The following MCM9 variants were observed in gnomAD, a reference collection of about 807,000 sequenced individuals.
MCM9 encodes minichromosome maintenance 9 homologous recombination repair factor.
A neutral mutation model predicts 72.8 loss-of-function variants in MCM9; 55 were observed. The ratio of observed to expected loss-of-function variants is 0.76; its 90% CI spans 0.61 to 0.95. The LOEUF is 0.95. Ranked by LOEUF, MCM9 falls within the 40% of genes least tolerant of loss-of-function variation. The probability of loss-of-function intolerance (pLI) is 0.00; values close to 1 mark genes in which losing one functional copy is unlikely to be tolerated. For missense variants in MCM9, 1,279 were observed against 1,377.0 expected, an observed-to-expected ratio of 0.93 and a Z score of 1.13; for synonymous variants, 480 against 503.4, an observed-to-expected ratio of 0.95 and a Z score of 0.62.
chr6:118,910,422 A>C (rs1780461846), intron 8 of MCM9, among the ~76,000 whole-genome samples: 1 of 152,176 alleles, frequency 6.6e-6, no homozygotes, highest in Non-Finnish European at 1.5e-5. Flanking sequence ...TGATCTTTGC[A>C]TTAAAAAGGA....
chr6:118,860,840 T>C (rs1379959054), intron 8 of MCM9, among the ~76,000 whole-genome samples: 1 of 152,188 alleles, frequency 6.6e-6, no homozygotes, highest in Non-Finnish European at 1.5e-5. Context: ...AAGTGCATTA[T>C]ATTTGTTGTG....
intron 9 of MCM9, among the ~76,000 whole-genome samples, chr6:118,843,662 A>ATATATATGTG: frequency 1.7e-5 from 1 of 59,696 alleles, no homozygotes; most frequent in African/African-American, 6.8e-5. Flanking sequence ...ATATGTGTAT[A>ATATATATGTG]TATATATGTA....
At chr6:118,887,283 G>A (rs1583545572) in intron 8 of MCM9, among the ~76,000 whole-genome samples, 1 of 152,218 alleles carries the variant, frequency 6.6e-6, no homozygotes, top group East Asian at 1.9e-4. Context: ...AGTAGTATAA[G>A]GACACAGATC....
chr6:118,853,117 G>C (rs1475623657), intron 9 of MCM9, among the ~76,000 whole-genome samples: 1 of 152,072 alleles, frequency 6.6e-6, no homozygotes, highest in Non-Finnish European at 1.5e-5. Flanking sequence ...AACCATTTGG[G>C]TATAGGTCTT....
intron 8 of MCM9, chr6:118,908,480 T>C (rs1039706369): frequency 3.3e-5 from 5 of 152,286 alleles, no homozygotes; most frequent in South Asian, 2.1e-4. Context: ...ATTGGCAGTA[T>C]TTATATAAAA....
In MCM9 at chr6:118,922,050, T is replaced by C; in HGVS notation, c.658A>G (p.Met220Val). ...RLSVGSIPRS[M>V]KVILEDDLVD... Reference sequence around the variant, plus strand: ...AAGTCATCTTCCAGAATAACCTTCATAGATCGTGGAATACTTCCAACAGAT... The same window carrying C: ...AAGTCATCTTCCAGAATAACCTTCACAGATCGTGGAATACTTCCAACAGAT... Residue 220 changes from methionine to valine, a missense_variant, in exon 5 of 14, where the codon ATG becomes GTG. Met to Val is a conservative substitution (Grantham distance 21). Coordinates refer to ENST00000619706, the MANE Select transcript of MCM9 (RefSeq NM_017696.3). 2.5e-6 allele frequency: 4 copies of C among 1,613,116 alleles called. No individual in the cohort carries two copies. Among genetic ancestry groups the C allele is most frequent in the South Asian group, 1.1e-5 (1 of 90,782 alleles).
chr6:118,916,939 T>C (rs1409325909), intron 6 of MCM9, among the ~76,000 whole-genome samples: 1 of 152,244 alleles, frequency 6.6e-6, no homozygotes, highest in African/African-American at 2.4e-5. Flanking sequence ...TCTCAAAAGA[T>C]GTCTCCATGG....
intron 13 of MCM9, among the ~76,000 whole-genome samples, chr6:118,818,919 GCTCT>G (rs1163787902): frequency 1.3e-5 from 2 of 151,610 alleles, no homozygotes; most frequent in Non-Finnish European, 1.5e-5. Context: ...TGATGATTCA[GCTCT>G]CTATTATTGG....
intron 8 of MCM9, among the ~76,000 whole-genome samples, chr6:118,897,810 TAAATG>T (rs1779532136): frequency 6.6e-6 from 1 of 151,682 alleles, no homozygotes; most frequent in Non-Finnish European, 1.5e-5. Context: ...GCAGAGGAAT[TAAATG>T]AAAGCTGGGT....
intron 3 of MCM9, among the ~76,000 whole-genome samples, chr6:118,928,060 C>T (rs544110095): frequency 2.3e-4 from 35 of 152,268 alleles, no homozygotes; most frequent in Admixed American, 7.2e-4. Context: ...TCTCAGTGCT[C>T]TCCTCTTCAC....
intron 7 of MCM9, chr6:118,912,099 C>T (rs1359029631): frequency 6.0e-6 from 1 of 166,902 alleles, no homozygotes; most frequent in Non-Finnish European, 1.3e-5. Context: ...AGGAGGGTCA[C>T]TTGAGCCCGG....
chr6:118,848,985 A>G (rs1308626999), intron 9 of MCM9, among the ~76,000 whole-genome samples: 1 of 150,722 alleles, frequency 6.6e-6, no homozygotes, highest in East Asian at 1.9e-4. Context: ...TTAAAAAAAT[A>G]AAACCGTTGA....
In MCM9 at chr6:118,814,703, G is replaced by T; in HGVS notation, c.*121C>A. On this transcript the variant is annotated 3_prime_UTR_variant, in exon 14 of 14. Transcript: ENST00000619706. ...ATTAGAAAGCCTTAAGGGGGAGCCA[G>T]TATTCAGAGTGATCCTCAATATGGC... is the stretch of plus-strand genomic sequence containing the variant. 1 of 948,854 alleles carries T rather than the reference G, an allele frequency of 1.1e-6. No homozygotes were observed. The highest frequency in any genetic ancestry group is 1.5e-6 in the Non-Finnish European group (1 of 664,066). 58.8% of individuals were successfully genotyped at this position (948,854 alleles called of 1,614,324 possible).
At chr6:118,883,463 A>G (rs1036237137) in intron 8 of MCM9, among the ~76,000 whole-genome samples, 7 of 143,210 alleles carry the variant, frequency 4.9e-5, no homozygotes, top group African/African-American at 1.8e-4. Context: ...ATGAAAAACA[A>G]TGGACTATAC....
intron 8 of MCM9, among the ~76,000 whole-genome samples, chr6:118,871,060 C>T (rs1450833536): frequency 6.6e-6 from 1 of 152,036 alleles, no homozygotes; most frequent in African/African-American, 2.4e-5. Context: ...TCAACTCTTC[C>T]AAAAACTAGA....
At position 118,919,060 on chromosome 6, in the gene MCM9, G is replaced by C. The variant is rs967366478; in HGVS notation, c.704-1299C>G. On this transcript the variant is annotated intron_variant, in intron 5 of 13. Transcript: ENST00000619706. ...ATGATGATCATTTACTATATTGTCT[G>C]ACCCCAAATTTCTAGGTAAAAATGA... 7 of 152,216 alleles carry C rather than the reference G, an allele frequency of 4.6e-5. No individual in the cohort carries two copies. In the East Asian group the frequency reaches 1.2e-3, roughly 25 times the overall value. 9.4% of individuals were successfully genotyped at this position (152,216 alleles called of 1,614,324 possible).
intron 3 of MCM9, among the ~76,000 whole-genome samples, chr6:118,928,241 T>G (rs1314220579): frequency 1.3e-5 from 2 of 152,046 alleles, no homozygotes; most frequent in Admixed American, 1.3e-4. Context: ...TGAAACCCTG[T>G]CTCTACTAAA....
At chr6:118,832,723 T>C (rs1231267468) in intron 9 of MCM9, among the ~76,000 whole-genome samples, 2 of 152,356 alleles carry the variant, frequency 1.3e-5, no homozygotes, top group East Asian at 3.9e-4. Context: ...AAGTTATTTT[T>C]ACCAGTAAAG....
intron 9 of MCM9, among the ~76,000 whole-genome samples, chr6:118,833,050 T>C (rs368365106): frequency 2.8e-4 from 42 of 152,294 alleles, no homozygotes; most frequent in East Asian, 2.3e-3. Context: ...TGCAATCTTT[T>C]TCTCTCTCTT....
Sources: allele counts gnomAD v4.1 joint callset (sites outside exome capture counted in the v4.1 genomes callset), GRCh38; gene constraint gnomAD v4.1.1; transcripts MANE v1.5; gene names NCBI Gene and HGNC (gene_info 2026-07-23, HGNC 2026-07-21).